The following SLC2A13 variants were observed in gnomAD, a reference collection of about 807,000 sequenced individuals.
SLC2A13 encodes the protein solute carrier family 2 member 13.
Under a neutral mutation model 64.4 loss-of-function variants are expected in SLC2A13, and 32 were observed. The observed-to-expected ratio is 0.50, with a 90% CI of 0.37 to 0.67. The LOEUF is 0.67. Ranked by LOEUF, SLC2A13 falls within the 30% of genes least tolerant of loss-of-function variation. SLC2A13 has a pLI of 0.00. For synonymous variants in SLC2A13, 338 were observed against 327.1 expected (o/e 1.03, Z -0.36); for missense variants, 743 against 829.2 (o/e 0.90, Z 1.28).
intron 4 of SLC2A13, chr12:39,907,982 C>A (rs956154513): frequency 1.3e-5 from 2 of 152,016 alleles, no homozygotes; most frequent in African/African-American, 2.4e-5. Flanking sequence ...ATGGTGGGAG[C>A]CACATAGGAA....
intron 6 of SLC2A13, among the ~76,000 whole-genome samples, chr12:39,840,318 A>T (rs997747031): frequency 6.6e-5 from 10 of 152,004 alleles, no homozygotes; most frequent in Admixed American, 2.0e-4. Flanking sequence ...AGTCTTCTAA[A>T]GGGGCCTGCT....
chr12:39,779,850 A>G (rs1195096090), intron 7 of SLC2A13, among the ~76,000 whole-genome samples: 1 of 152,238 alleles, frequency 6.6e-6, no homozygotes, highest in Non-Finnish European at 1.5e-5. Flanking sequence ...TTTCCACTGC[A>G]AGAGTGCCTG....
intron 3 of SLC2A13, among the ~76,000 whole-genome samples, chr12:40,020,415 C>A (rs532271626): frequency 2.0e-5 from 3 of 152,288 alleles, no homozygotes; most frequent in Admixed American, 1.3e-4. Flanking sequence ...CTCTCTCCTG[C>A]GGCCATGTGA....
At chr12:39,855,163 C>A (rs567935869) in intron 6 of SLC2A13, among the ~76,000 whole-genome samples, 3 of 152,072 alleles carry the variant, frequency 2.0e-5, no homozygotes, top group East Asian at 1.9e-4. Flanking sequence ...ATTAGACTTG[C>A]GGCTATATTT....
chr12:39,973,553 C>T (rs1375188572), intron 3 of SLC2A13, among the ~76,000 whole-genome samples: 1 of 152,196 alleles, frequency 6.6e-6, no homozygotes, highest in Non-Finnish European at 1.5e-5. Flanking sequence ...CTTCTTATTC[C>T]ACATCTGCAT....
intron 2 of SLC2A13, among the ~76,000 whole-genome samples, chr12:40,036,960 A>T (rs542294927): frequency 6.6e-5 from 10 of 152,256 alleles, no homozygotes; most frequent in African/African-American, 2.4e-4. Flanking sequence ...AATGAATGTT[A>T]TTCTCTCAAA....
rs1221671344 is a variant in SLC2A13, at chr12:39,972,008, A to ATT, written c.926-20644_926-20643insAA. On this transcript the variant is annotated intron_variant, in intron 3 of 9. Transcript: ENST00000280871. ...GAAAAAAAAAAAAAAATATATATAT[A>ATT]TATATATTTTTTTTTATATAAATAT... 9.6e-4 allele frequency among the ~76,000 whole-genome samples: 29 copies of ATT among 30,222 alleles called. No homozygotes were observed. The South Asian group carries it at 0.015, about 16-fold the overall frequency. 19.8% of individuals were successfully genotyped at this position (30,222 alleles called of 152,430 possible). A position where few individuals can be genotyped will look rare whatever the true frequency, so the allele number is the denominator to read the frequency against.
chr12:39,807,149 A>T (rs971858521), intron 7 of SLC2A13, among the ~76,000 whole-genome samples: 1 of 152,148 alleles, frequency 6.6e-6, no homozygotes, highest in Non-Finnish European at 1.5e-5. Flanking sequence ...AATTGCAAAA[A>T]CCTCGATAAC....
Position 39,864,749 on chromosome 12 carries a change from AAT to A in SLC2A13, c.1319+11_1319+12del. ...GAGTCATGTAAAGGAAGAAGAACAT[AAT>A]GGAATCTCACCTGTATCTTGTGCAA... On this transcript the variant is annotated intron_variant, in intron 6 of 9. Coordinates refer to ENST00000280871, the MANE Select transcript of SLC2A13 (RefSeq NM_052885.4). The A allele has an allele frequency of 6.2e-7, 1 of 1,612,092 alleles. No homozygotes were observed.
At chr12:39,976,954 T>A (rs983467583) in intron 3 of SLC2A13, among the ~76,000 whole-genome samples, 1 of 152,190 alleles carries the variant, frequency 6.6e-6, no homozygotes, top group Non-Finnish European at 1.5e-5. Flanking sequence ...TGCCATCTTA[T>A]GCAATGCATT....
intron 6 of SLC2A13, among the ~76,000 whole-genome samples, chr12:39,841,105 G>A (rs77419854): frequency 0.015 from 2,304 of 152,076 alleles, 27 homozygotes; most frequent in Middle Eastern, 0.024. Flanking sequence ...CCCCTTACAC[G>A]TTGAGGCTAA....
At chr12:40,039,858 G>A (rs1948056479) in intron 2 of SLC2A13, among the ~76,000 whole-genome samples, 1 of 152,148 alleles carries the variant, frequency 6.6e-6, no homozygotes, top group Non-Finnish European at 1.5e-5. Context: ...TTTCACTCTT[G>A]GTGCTATATA....
chr12:40,001,002 C>T (rs1254015976), intron 3 of SLC2A13, among the ~76,000 whole-genome samples: 1 of 152,184 alleles, frequency 6.6e-6, no homozygotes, highest in African/African-American at 2.4e-5. Flanking sequence ...TCCAGGTCCT[C>T]ACCAAGAGGA....
At chr12:40,012,357 G>A (rs1286241686) in intron 3 of SLC2A13, among the ~76,000 whole-genome samples, 1 of 152,084 alleles carries the variant, frequency 6.6e-6, no homozygotes, top group Non-Finnish European at 1.5e-5. Flanking sequence ...TTGCCATTTG[G>A]AAACAGATAC....
chr12:40,100,716 C>G (rs1381557439), intron 1 of SLC2A13, among the ~76,000 whole-genome samples: 1 of 152,082 alleles, frequency 6.6e-6, no homozygotes, highest in East Asian at 1.9e-4. Context: ...GTAATCCCAG[C>G]ACTTTGGAAG....
At chr12:40,048,834 T>A (rs562056545) in intron 1 of SLC2A13, among the ~76,000 whole-genome samples, 1 of 152,172 alleles carries the variant, frequency 6.6e-6, no homozygotes, top group African/African-American at 2.4e-5. Context: ...TGGCAGTAGT[T>A]CTAACTTCAC....
At chr12:39,777,305 T>C (rs757747290) in intron 7 of SLC2A13, among the ~76,000 whole-genome samples, 1 of 152,154 alleles carries the variant, frequency 6.6e-6, no homozygotes, top group Non-Finnish European at 1.5e-5. Context: ...GATAAGTTCA[T>C]TTGTATGTTT....
intron 1 of SLC2A13, among the ~76,000 whole-genome samples, chr12:40,073,993 T>C (rs1938066604): frequency 6.6e-6 from 1 of 152,092 alleles, no homozygotes; most frequent in Non-Finnish European, 1.5e-5. Flanking sequence ...TTCTTTTATA[T>C]GTATGTTACA....
intron 1 of SLC2A13, among the ~76,000 whole-genome samples, chr12:40,093,817 G>A (rs1938844974): frequency 6.6e-6 from 1 of 152,134 alleles, no homozygotes; most frequent in South Asian, 2.1e-4. Context: ...GAAGAAGTGG[G>A]GATGGGGAAA....
Sources: gnomAD v4.1 joint callset for allele counts (sites outside exome capture counted in the v4.1 genomes callset) on GRCh38, gnomAD v4.1.1 for gene constraint, MANE v1.5 for transcripts, NCBI Gene and HGNC (gene_info 2026-07-23, HGNC 2026-07-21) for gene names.